KCNQ5: variants seen among roughly 807,000 people sequenced by gnomAD.
KCNQ5 encodes the protein potassium voltage-gated channel subfamily Q member 5.
Under a neutral mutation model 98.2 loss-of-function variants are expected in KCNQ5, and 30 were observed. That is an observed-to-expected ratio of 0.31 (90% CI 0.23 to 0.41). KCNQ5 has a LOEUF of 0.41. Among genes scored for constraint, KCNQ5 ranks in the 10% least tolerant of loss-of-function variants. The pLI is 1.00. For synonymous variants in KCNQ5, 458 were observed against 449.4 expected, an observed-to-expected ratio of 1.02 and a Z score of -0.24; for missense variants, 835 against 1,182.5, an observed-to-expected ratio of 0.71 and a Z score of 4.31.
intron 1 of KCNQ5, among the ~76,000 whole-genome samples, chr6:72,702,747 G>T (rs1768880913): frequency 6.6e-6 from 1 of 152,174 alleles, no homozygotes; most frequent in East Asian, 1.9e-4. Flanking sequence ...CATTGCAATT[G>T]ATTTAAAAAA....
At chr6:72,973,684 C>T (rs1170257813) in intron 1 of KCNQ5, among the ~76,000 whole-genome samples, 1 of 152,064 alleles carries the variant, frequency 6.6e-6, no homozygotes, top group Non-Finnish European at 1.5e-5. Flanking sequence ...ACAGGAAAGA[C>T]AAAGATCAAA....
At chr6:73,170,577 A>AG (rs1220671225) in intron 11 of KCNQ5, among the ~76,000 whole-genome samples, 1 of 141,602 alleles carries the variant, frequency 7.1e-6, no homozygotes, top group Non-Finnish European at 1.6e-5. Context: ...AAAAAAAAAA[A>AG]AAAGAAAAGA....
At chr6:73,034,914 C>T (rs1163694800) in intron 2 of KCNQ5, among the ~76,000 whole-genome samples, 4 of 145,692 alleles carry the variant, frequency 2.7e-5, no homozygotes, top group African/African-American at 1.0e-4. Context: ...GGCATGATCT[C>T]GGCTCACTGC....
chr6:72,796,579 G>A (rs549165678), intron 1 of KCNQ5, among the ~76,000 whole-genome samples: 5 of 152,186 alleles, frequency 3.3e-5, no homozygotes, highest in African/African-American at 4.8e-5. Context: ...AATAAGATTC[G>A]AAGGATATGG....
chr6:72,712,458 C>G (rs867682913), intron 1 of KCNQ5, among the ~76,000 whole-genome samples: 15 of 152,192 alleles, frequency 9.9e-5, no homozygotes, highest in Non-Finnish European at 2.2e-4. Flanking sequence ...ATACTTAAAT[C>G]TGTTTGTCAC....
At chr6:72,956,559 TTTTTTTA>T (rs1312659194) in intron 1 of KCNQ5, among the ~76,000 whole-genome samples, 9 of 150,148 alleles carry the variant, frequency 6.0e-5, no homozygotes, top group East Asian at 1.9e-4. Context: ...ATTTTTTTTA[TTTTTTTA>T]TTTTTTATTT....
intron 1 of KCNQ5, among the ~76,000 whole-genome samples, chr6:72,855,020 C>T (rs1442772776): frequency 1.3e-5 from 2 of 151,936 alleles, no homozygotes; most frequent in Non-Finnish European, 1.5e-5. Flanking sequence ...CAAGCACTCA[C>T]TCATCAATGA....
chr6:72,821,542 G>T (rs931203997), intron 1 of KCNQ5, among the ~76,000 whole-genome samples: 1 of 151,932 alleles, frequency 6.6e-6, no homozygotes, highest in African/African-American at 2.4e-5. Context: ...AAATGCTACA[G>T]CCGTTTCTCT....
chr6:73,153,302 T>G (rs891544739), intron 10 of KCNQ5, among the ~76,000 whole-genome samples: 1 of 152,206 alleles, frequency 6.6e-6, no homozygotes, highest in African/African-American at 2.4e-5. Flanking sequence ...TCCTTTCCTT[T>G]TCTCTTCTTT....
intron 9 of KCNQ5, among the ~76,000 whole-genome samples, chr6:73,128,596 A>T (rs897679085): frequency 6.6e-6 from 1 of 152,224 alleles, no homozygotes; most frequent in African/African-American, 2.4e-5. Context: ...TATTGCTACA[A>T]AAACAGATTA....
At chr6:72,760,654 C>G (rs1772221222) in intron 1 of KCNQ5, among the ~76,000 whole-genome samples, 1 of 152,192 alleles carries the variant, frequency 6.6e-6, no homozygotes, top group East Asian at 1.9e-4. Flanking sequence ...CATGGAAACC[C>G]TCTGGGCTAG....
At chr6:72,649,639 G>C (rs758584754) in intron 1 of KCNQ5, among the ~76,000 whole-genome samples, 38 of 152,080 alleles carry the variant, frequency 2.5e-4, no homozygotes, top group Non-Finnish European at 4.7e-4. Flanking sequence ...AATGGTTCTT[G>C]AATGCTTCTT....
chr6:72,788,384 C>A (rs1462807674), intron 1 of KCNQ5, among the ~76,000 whole-genome samples: 3 of 152,190 alleles, frequency 2.0e-5, no homozygotes, highest in Non-Finnish European at 4.4e-5. Context: ...ACATACTTCA[C>A]AGAATAGTAT....
At chr6:73,053,854 A>G (rs540060079) in intron 3 of KCNQ5, among the ~76,000 whole-genome samples, 1 of 152,194 alleles carries the variant, frequency 6.6e-6, no homozygotes, top group Admixed American at 6.5e-5. Context: ...AATCTGCACT[A>G]AACTGAAGGA....
intron 1 of KCNQ5, among the ~76,000 whole-genome samples, chr6:72,845,965 A>G (rs1174820416): frequency 6.6e-6 from 1 of 152,182 alleles, no homozygotes; most frequent in East Asian, 1.9e-4. Context: ...ATTTCTACTC[A>G]GATGAGGAGA....
At chr6:73,159,518 T>G (rs1350611567) in intron 10 of KCNQ5, among the ~76,000 whole-genome samples, 1 of 152,270 alleles carries the variant, frequency 6.6e-6, no homozygotes, top group Non-Finnish European at 1.5e-5. Flanking sequence ...AGATTGCTGA[T>G]TATACATTAA....
chr6:72,798,398 T>A (rs998093939), intron 1 of KCNQ5, among the ~76,000 whole-genome samples: 1 of 152,180 alleles, frequency 6.6e-6, no homozygotes, highest in Non-Finnish European at 1.5e-5. Context: ...TGCTCTTAAA[T>A]GGTTTAAAGT....
chr6:73,176,628 C>G (rs1778224781), intron 11 of KCNQ5, among the ~76,000 whole-genome samples: 1 of 152,140 alleles, frequency 6.6e-6, no homozygotes, highest in Non-Finnish European at 1.5e-5. Flanking sequence ...GGGGCCTGAG[C>G]TGGGCAGTCA....
intron 3 of KCNQ5, among the ~76,000 whole-genome samples, chr6:73,067,667 C>T (rs1159544540): frequency 1.3e-5 from 2 of 152,058 alleles, no homozygotes; most frequent in African/African-American, 4.8e-5. Context: ...CTGAGCATCC[C>T]GCACAGCCTC....
Sources: allele counts gnomAD v4.1 joint callset (sites outside exome capture counted in the v4.1 genomes callset), GRCh38; gene constraint gnomAD v4.1.1; transcripts MANE v1.5; gene names NCBI Gene and HGNC (gene_info 2026-07-23, HGNC 2026-07-21).